Variants in HMGCLL1 observed in about 807,000 individuals in gnomAD.
HMGCLL1 encodes the protein 3-hydroxymethyl-3-methylglutaryl-CoA lyase, cytoplasmic.
In HMGCLL1, 36 loss-of-function variants were observed where a neutral mutation model predicts 39.1. That is an observed-to-expected ratio of 0.92 (90% CI 0.71 to 1.22). The LOEUF is 1.22. HMGCLL1 is among the 50% of genes most tolerant of loss of function. The pLI is 0.00. For synonymous variants in HMGCLL1, 149 were observed against 144.0 expected (o/e 1.03, Z -0.25); for missense variants, 451 against 416.5 (o/e 1.08, Z -0.72).
intron 7 of HMGCLL1, among the ~76,000 whole-genome samples, chr6:55,452,557 T>C (rs1010220948): frequency 2.6e-5 from 4 of 152,182 alleles, no homozygotes; most frequent in African/African-American, 9.6e-5. Context: ...TGGGTACTAT[T>C]ATTATCATCC....
At chr6:55,571,326 A>G (rs1771478969) in intron 1 of HMGCLL1, among the ~76,000 whole-genome samples, 1 of 152,198 alleles carries the variant, frequency 6.6e-6, no homozygotes, top group Non-Finnish European at 1.5e-5. Flanking sequence ...TCATGGTGTA[A>G]CAATTAAACA....
rs749279438 is a variant in HMGCLL1, at chr6:55,579,090, G to C, written c.-35C>G. 3 of 1,495,550 alleles carry C rather than the reference G, an allele frequency of 2.0e-6. No individual in the cohort carries two copies. In the African/African-American group the frequency reaches 4.2e-5, roughly 21 times the overall value. 92.6% of individuals were successfully genotyped at this position (1,495,550 alleles called of 1,614,324 possible). A position where few individuals can be genotyped will look rare whatever the true frequency, so the allele number is the denominator to read the frequency against. On this transcript the variant is annotated 5_prime_UTR_variant, in exon 1 of 9. Coordinates refer to ENST00000274901, the MANE Select transcript of HMGCLL1 (RefSeq NM_001042406.2). Reference sequence around the variant, plus strand: ...TGGGGCGGCAGTCGGCGAGGGGAGGGAGACTGGAGGAGGATGAGGGGCGGG... The same window carrying C: ...TGGGGCGGCAGTCGGCGAGGGGAGGCAGACTGGAGGAGGATGAGGGGCGGG...
chr6:55,502,780 T>C (rs1408598637), intron 5 of HMGCLL1, among the ~76,000 whole-genome samples: 1 of 151,644 alleles, frequency 6.6e-6, no homozygotes, highest in Non-Finnish European at 1.5e-5. Flanking sequence ...TTTTGCTATT[T>C]ATTATACTTT....
intron 7 of HMGCLL1, among the ~76,000 whole-genome samples, chr6:55,443,392 A>G (rs150093498): frequency 5.3e-5 from 8 of 152,296 alleles, no homozygotes; most frequent in Non-Finnish European, 1.2e-4. Context: ...GAATCCACGT[A>G]TCATGTTCCT....
chr6:55,595,335 A>C, the HMGCLL1 span, among the ~76,000 whole-genome samples: 3 of 152,230 alleles, frequency 2.0e-5, no homozygotes, highest in East Asian at 5.8e-4. Context: ...ATTACATTTC[A>C]AGAGTTTTTG....
At chr6:55,548,974 A>C (rs1023585192) in intron 1 of HMGCLL1, among the ~76,000 whole-genome samples, 2 of 151,752 alleles carry the variant, frequency 1.3e-5, no homozygotes, top group African/African-American at 4.8e-5. Context: ...ACTTCTATGA[A>C]TTGATAGAGC....
chr6:55,636,781 A>T, the HMGCLL1 span, among the ~76,000 whole-genome samples: 1 of 152,156 alleles, frequency 6.6e-6, no homozygotes, highest in African/African-American at 2.4e-5. Flanking sequence ...GGTCAAAGTG[A>T]TGAACTGTTT....
chr6:55,481,408 A>T (rs1765735396), intron 7 of HMGCLL1, among the ~76,000 whole-genome samples: 1 of 152,028 alleles, frequency 6.6e-6, no homozygotes, highest in South Asian at 2.1e-4. Context: ...TAGAACTGGA[A>T]CGTTTGCAAT....
the HMGCLL1 span, among the ~76,000 whole-genome samples, chr6:55,648,736 C>T: frequency 2.8e-4 from 21 of 75,548 alleles, no homozygotes; most frequent in East Asian, 1.3e-3. Context: ...AGTTTACCAA[C>T]CAAAAAGAGT....
At chr6:55,675,035 G>A in the HMGCLL1 span, among the ~76,000 whole-genome samples, 1 of 152,008 alleles carries the variant, frequency 6.6e-6, no homozygotes, top group African/African-American at 2.4e-5. Context: ...GCTGGAAGAA[G>A]GAAAGAAAAA....
chr6:55,483,949 C>T (rs1765873139), intron 7 of HMGCLL1, among the ~76,000 whole-genome samples: 1 of 152,044 alleles, frequency 6.6e-6, no homozygotes, highest in Non-Finnish European at 1.5e-5. Flanking sequence ...CATGGATGAA[C>T]ATTTTGTATT....
chr6:55,462,765 G>A (rs1378536178), intron 7 of HMGCLL1, among the ~76,000 whole-genome samples: 3 of 151,994 alleles, frequency 2.0e-5, no homozygotes, highest in African/African-American at 7.2e-5. Context: ...TTATGTTGTA[G>A]GTATAACTCA....
intron 1 of HMGCLL1, among the ~76,000 whole-genome samples, chr6:55,573,262 C>A (rs1771607583): frequency 6.6e-6 from 1 of 152,106 alleles, no homozygotes; most frequent in Admixed American, 6.6e-5. Flanking sequence ...AGAAATCCCA[C>A]CTGAGAAGGA....
the HMGCLL1 span, among the ~76,000 whole-genome samples, chr6:55,623,923 C>T: frequency 7.9e-5 from 12 of 151,868 alleles, no homozygotes; most frequent in African/African-American, 1.5e-4. Flanking sequence ...GTCCAGGGAC[C>T]GACTGTAAGT....
At chr6:55,579,931 A>G (rs1046010012), upstream of HMGCLL1, among the ~76,000 whole-genome samples, 1 of 152,202 alleles carries the variant, frequency 6.6e-6, no homozygotes, top group Non-Finnish European at 1.5e-5. Context: ...TCACTTTCAC[A>G]TGTAAACTTA....
At chr6:55,613,741 T>C in the HMGCLL1 span, among the ~76,000 whole-genome samples, 37 of 152,102 alleles carry the variant, frequency 2.4e-4, no homozygotes, top group South Asian at 7.3e-3. Flanking sequence ...AACCCATGGA[T>C]ACAGGGAAGG....
At chr6:55,619,580 G>A in the HMGCLL1 span, among the ~76,000 whole-genome samples, 1 of 151,988 alleles carries the variant, frequency 6.6e-6, no homozygotes, top group Non-Finnish European at 1.5e-5. Context: ...GTATGTGGTA[G>A]GTGTATATAT....
At chr6:55,465,883 T>G (rs1041760057) in intron 7 of HMGCLL1, among the ~76,000 whole-genome samples, 1 of 151,652 alleles carries the variant, frequency 6.6e-6, no homozygotes, top group African/African-American at 2.4e-5. Context: ...TCCATGAGGA[T>G]TTTTTTTCTT....
intron 1 of HMGCLL1, among the ~76,000 whole-genome samples, chr6:55,569,008 C>T (rs1345571670): frequency 6.6e-6 from 1 of 151,816 alleles, no homozygotes; most frequent in Non-Finnish European, 1.5e-5. Flanking sequence ...AACAAGAACA[C>T]AGAGTAGGGG....
Sources: gnomAD v4.1 joint callset for allele counts (sites outside exome capture counted in the v4.1 genomes callset) on GRCh38, gnomAD v4.1.1 for gene constraint, MANE v1.5 for transcripts, NCBI Gene and HGNC (gene_info 2026-07-23, HGNC 2026-07-21) for gene names.